Variants in EFCAB6 observed in about 807,000 individuals in gnomAD.
EFCAB6 encodes the protein EF-hand calcium-binding domain-containing protein 6.
Under a neutral mutation model 169.8 loss-of-function variants are expected in EFCAB6, and 156 were observed. That is an observed-to-expected ratio of 0.92 (90% CI 0.81 to 1.05). The LOEUF (loss-of-function observed/expected upper bound fraction) is 1.05. EFCAB6 is among the 50% of genes least tolerant of loss of function. EFCAB6 has a pLI of 0.00. For missense variants in EFCAB6, 1,800 were observed against 1,829.1 expected, an observed-to-expected ratio of 0.98 and a Z score of 0.29; for synonymous variants, 698 against 676.4, an observed-to-expected ratio of 1.03 and a Z score of -0.50.
chr22:43,791,983 G>C (rs2062311960), intron 2 of EFCAB6, among the ~76,000 whole-genome samples: 1 of 152,158 alleles, frequency 6.6e-6, no homozygotes, highest in South Asian at 2.1e-4. Context: ...AATGGAGATG[G>C]GATCCCATGG....
At chr22:43,615,974 T>C (rs1393210438) in intron 20 of EFCAB6, 52 bp from the exon 21 acceptor site, 2 of 1,476,312 alleles carry the variant, frequency 1.4e-6, no homozygotes, top group Non-Finnish European at 1.8e-6. Flanking sequence ...ATGGGCTCAT[T>C]AATCTCCCAA....
chr22:43,786,139 G>A (rs1165822215), intron 2 of EFCAB6, among the ~76,000 whole-genome samples: 2 of 152,080 alleles, frequency 1.3e-5, no homozygotes, highest in African/African-American at 4.8e-5. Context: ...AAGGTGTGTG[G>A]ATCACCTGAC....
At chr22:43,772,100 C>T (rs971087615) in intron 4 of EFCAB6, among the ~76,000 whole-genome samples, 6 of 152,266 alleles carry the variant, frequency 3.9e-5, no homozygotes, top group African/African-American at 7.2e-5. Flanking sequence ...GCTCTCCCTC[C>T]AGTAACTCCC....
intron 17 of EFCAB6, among the ~76,000 whole-genome samples, chr22:43,636,629 G>A (rs1447792066): frequency 2.1e-5 from 1 of 47,054 alleles, no homozygotes; most frequent in African/African-American, 8.6e-5. Flanking sequence ...TTTTTTTTTT[G>A]AGACAGAGTC....
At chr22:43,551,503 A>T (rs949004461) in intron 27 of EFCAB6, among the ~76,000 whole-genome samples, 1 of 152,198 alleles carries the variant, frequency 6.6e-6, no homozygotes, top group Non-Finnish European at 1.5e-5. Flanking sequence ...TTTGTTTTTT[A>T]AATTTTTTTC....
intron 2 of EFCAB6, among the ~76,000 whole-genome samples, chr22:43,805,266 T>G (rs970311272): frequency 6.6e-6 from 1 of 152,152 alleles, no homozygotes; most frequent in Non-Finnish European, 1.5e-5. Flanking sequence ...ATTGAAAGAA[T>G]TAATATTGTT....
intron 6 of EFCAB6, among the ~76,000 whole-genome samples, chr22:43,741,258 T>C (rs1441609544): frequency 6.6e-6 from 1 of 152,012 alleles, no homozygotes; most frequent in East Asian, 1.9e-4. Context: ...CGACTTTGAA[T>C]TCACAAGTGT....
At chr22:43,784,567 ATG>A (rs367646941) in intron 2 of EFCAB6, among the ~76,000 whole-genome samples, 5,380 of 56,362 alleles carry the variant, frequency 0.095, 624 homozygotes, top group East Asian at 0.37. Flanking sequence ...ACACATATAT[ATG>A]TGTACATATA....
chr22:43,795,023 G>A lies in EFCAB6; in HGVS notation c.-7-12698C>T, dbSNP rs907901541. ...GGACACAGTCTCCCTCCACCAAGGAGCTCCCCAGGCCCTGTACAGCCCCTT... is the reference window on the plus strand; with the variant it reads ...GGACACAGTCTCCCTCCACCAAGGAACTCCCCAGGCCCTGTACAGCCCCTT... On this transcript the variant is annotated intron_variant, in intron 2 of 31. Coordinates refer to ENST00000262726, the MANE Select transcript of EFCAB6 (RefSeq NM_022785.4). This position sits in a 1 kb window ranked among gnomAD's most constrained non-coding sequence, Gnocchi z 4.2. Among the ~76,000 whole-genome samples the A allele has an allele frequency of 6.6e-6, 1 of 152,140 alleles. No individual in the cohort carries two copies. Among genetic ancestry groups the A allele is most frequent in the African/African-American group, 2.4e-5 (1 of 41,416 alleles).
intron 17 of EFCAB6, among the ~76,000 whole-genome samples, chr22:43,653,158 G>A (rs139767674): frequency 1.4e-3 from 216 of 152,134 alleles, no homozygotes; most frequent in African/African-American, 4.3e-3. Flanking sequence ...CAACAGGAGA[G>A]GAGGCAGTGG....
intron 10 of EFCAB6, among the ~76,000 whole-genome samples, chr22:43,701,633 A>C (rs1050497663): frequency 7.2e-5 from 11 of 152,074 alleles, no homozygotes; most frequent in African/African-American, 2.7e-4. Flanking sequence ...TTATTTAATA[A>C]ATGATGGTGG....
At chr22:43,656,662 C>T (rs148423135) in intron 17 of EFCAB6, among the ~76,000 whole-genome samples, 159 of 152,196 alleles carry the variant, frequency 1.0e-3, no homozygotes, top group African/African-American at 3.4e-3. Flanking sequence ...GATCTGTAGC[C>T]TGAAAGCAAT....
At chr22:43,742,272 T>G (rs574791291) in intron 6 of EFCAB6, among the ~76,000 whole-genome samples, 1 of 152,350 alleles carries the variant, frequency 6.6e-6, no homozygotes, top group African/African-American at 2.4e-5. Context: ...ATTTCAAATT[T>G]CAGTATCCAT....
intron 15 of EFCAB6, among the ~76,000 whole-genome samples, chr22:43,670,340 G>A (rs1256722477): frequency 6.6e-6 from 1 of 152,086 alleles, no homozygotes; most frequent in Non-Finnish European, 1.5e-5. Flanking sequence ...AAAGTGTCCC[G>A]AGACCAAAAG....
intron 7 of EFCAB6, among the ~76,000 whole-genome samples, chr22:43,734,059 T>TAGAAC (rs1182029352): frequency 2.0e-5 from 3 of 152,084 alleles, no homozygotes; most frequent in Non-Finnish European, 4.4e-5. Flanking sequence ...CAGGAGCTAC[T>TAGAAC]CTGAGGCCCT....
At chr22:43,578,638 C>A (rs1485786824) in intron 25 of EFCAB6, among the ~76,000 whole-genome samples, 3 of 152,080 alleles carry the variant, frequency 2.0e-5, no homozygotes, top group Non-Finnish European at 4.4e-5. Context: ...AAGCATCATT[C>A]CATACATGTA....
chr22:43,667,298 C>G, intron 16 of EFCAB6, 26 bp from the exon 17 acceptor site: 14 of 1,608,530 alleles, frequency 8.7e-6, no homozygotes, highest in Non-Finnish European at 1.2e-5. Context: ...GGCATTTAGA[C>G]CCAGTGTCAA....
intron 5 of EFCAB6, chr22:43,759,098 C>A (rs2061059350): frequency 6.6e-6 from 1 of 152,266 alleles, no homozygotes; most frequent in Admixed American, 6.5e-5. Context: ...TGGCGTACGC[C>A]TGGCCAAAAG....
chr22:43,777,105 C>T (rs1021401688), intron 3 of EFCAB6, among the ~76,000 whole-genome samples: 4 of 151,988 alleles, frequency 2.6e-5, no homozygotes, highest in African/African-American at 9.7e-5. Flanking sequence ...GCTGAGGAGG[C>T]GTGTGAGGGG....
Sources: allele counts gnomAD v4.1 joint callset (sites outside exome capture counted in the v4.1 genomes callset), GRCh38; gene constraint gnomAD v4.1.1; non-coding constraint Gnocchi (gnomAD v3.1); transcripts MANE v1.5; gene names NCBI Gene and HGNC (gene_info 2026-07-23, HGNC 2026-07-21).